The following EYS variants were observed in gnomAD, a reference collection of about 807,000 sequenced individuals.
The protein encoded by EYS is EGF-like photoreceptor maintenance factor.
In EYS, 250 loss-of-function variants were observed where a neutral mutation model predicts 282.1. The ratio of observed to expected loss-of-function variants is 0.89; its 90% CI spans 0.80 to 0.98. The LOEUF is 0.98. Ranked by LOEUF, EYS falls within the 50% of genes least tolerant of loss-of-function variation. The pLI is 0.00. For missense variants in EYS, 4,016 were observed against 3,709.0 expected, an observed-to-expected ratio of 1.08 and a Z score of -2.15; for synonymous variants, 1,355 against 1,282.9, an observed-to-expected ratio of 1.06 and a Z score of -1.20.
At chr6:63,980,461 T>C (rs1388684966) in intron 35 of EYS, among the ~76,000 whole-genome samples, 4 of 151,842 alleles carry the variant, frequency 2.6e-5, no homozygotes, top group Admixed American at 2.6e-4. Context: ...CTGTGTATTT[T>C]GAGAGAAGCA....
chr6:65,463,650 G>A (rs902725801), intron 5 of EYS, among the ~76,000 whole-genome samples: 1 of 152,246 alleles, frequency 6.6e-6, no homozygotes, highest in Non-Finnish European at 1.5e-5. Context: ...ATTGCTTGAT[G>A]TGTTTATTTA....
At chr6:64,621,503 A>T (rs1313386556) in intron 23 of EYS, among the ~76,000 whole-genome samples, 2 of 152,154 alleles carry the variant, frequency 1.3e-5, no homozygotes, top group Admixed American at 6.5e-5. Flanking sequence ...ACCCTCATGA[A>T]AATACAATAG....
chr6:65,008,971 C>T lies in EYS; in HGVS notation c.2138-11268G>A, dbSNP rs549920098. On this transcript the variant is annotated intron_variant, in intron 13 of 42. Transcript: ENST00000503581. ...CTAAGCTGTGATGGGGCGCTTTACT[C>T]TTTTCACATGCTTTTCTAATTATGC... Among the ~76,000 whole-genome samples, 85 of 152,302 alleles carry T rather than the reference C, an allele frequency of 5.6e-4. 1 individual carries two copies. The highest frequency in any genetic ancestry group is 2.0e-3 in the African/African-American group (85 of 41,562).
intron 2 of EYS, among the ~76,000 whole-genome samples, chr6:65,616,734 C>T (rs1451227662): frequency 6.6e-6 from 1 of 150,658 alleles, no homozygotes; most frequent in Non-Finnish European, 1.5e-5. Flanking sequence ...TGCAGTGAGC[C>T]GAGATAACGC....
chr6:65,463,953 T>A (rs1321979063), intron 5 of EYS, among the ~76,000 whole-genome samples: 2 of 152,292 alleles, frequency 1.3e-5, no homozygotes, highest in African/African-American at 4.8e-5. Flanking sequence ...TATATTGTGA[T>A]ACTATATACT....
At chr6:64,595,540 A>T (rs746553184) in intron 24 of EYS, among the ~76,000 whole-genome samples, 4 of 152,184 alleles carry the variant, frequency 2.6e-5, no homozygotes, top group Non-Finnish European at 2.9e-5. Flanking sequence ...AGAAAAACCT[A>T]AAGACTCCAC....
chr6:64,525,979 T>G (rs1484508109), intron 26 of EYS, among the ~76,000 whole-genome samples: 1 of 151,718 alleles, frequency 6.6e-6, no homozygotes, highest in Non-Finnish European at 1.5e-5. Flanking sequence ...ACCTCTAATA[T>G]CATCTGTAGA....
intron 30 of EYS, among the ~76,000 whole-genome samples, chr6:64,277,577 A>G (rs1768157832): frequency 6.6e-6 from 1 of 152,152 alleles, no homozygotes; most frequent in Non-Finnish European, 1.5e-5. Flanking sequence ...GGCAGATAAG[A>G]TAATGTCCAT....
chr6:63,922,301 G>T (rs1220212659), intron 35 of EYS, among the ~76,000 whole-genome samples: 1 of 152,154 alleles, frequency 6.6e-6, no homozygotes, highest in African/African-American at 2.4e-5. Flanking sequence ...AGTGGCTCAC[G>T]CCTGTAATCC....
At chr6:63,840,827 G>C (rs573773122) in intron 36 of EYS, among the ~76,000 whole-genome samples, 1 of 152,146 alleles carries the variant, frequency 6.6e-6, no homozygotes, top group Non-Finnish European at 1.5e-5. Context: ...TTGCATCTTT[G>C]TCAAAAATCT....
chr6:65,532,663 C>T (rs1232983651), intron 2 of EYS, among the ~76,000 whole-genome samples: 1 of 152,110 alleles, frequency 6.6e-6, no homozygotes, highest in Non-Finnish European at 1.5e-5. Flanking sequence ...TATTTTCTCA[C>T]TTTTGCTGTC....
intron 1 of EYS, among the ~76,000 whole-genome samples, chr6:65,676,752 GA>G: frequency 6.6e-6 from 1 of 151,606 alleles, no homozygotes; most frequent in East Asian, 2.0e-4. Context: ...AAAAACACTA[GA>G]AAAAAATTGC....
intron 12 of EYS, among the ~76,000 whole-genome samples, chr6:65,063,067 G>C (rs926391770): frequency 1.6e-4 from 25 of 151,850 alleles, no homozygotes; most frequent in African/African-American, 5.8e-4. Flanking sequence ...ATTCTTGGAA[G>C]TCAGAGTCCA....
At chr6:65,047,031 A>C (rs1773123435) in intron 13 of EYS, among the ~76,000 whole-genome samples, 1 of 150,964 alleles carries the variant, frequency 6.6e-6, no homozygotes, top group Non-Finnish European at 1.5e-5. Context: ...TGTGATTCTA[A>C]GTTTTCTGAG....
intron 33 of EYS, among the ~76,000 whole-genome samples, chr6:64,010,167 C>T (rs1049610301): frequency 1.3e-5 from 2 of 152,276 alleles, no homozygotes; most frequent in East Asian, 1.9e-4. Context: ...CAGAACGCTC[C>T]GGTGAAGGGG....
intron 26 of EYS, among the ~76,000 whole-genome samples, chr6:64,485,811 G>A (rs74637718): frequency 4.7e-4 from 71 of 151,476 alleles, no homozygotes; most frequent in African/African-American, 1.7e-3. Flanking sequence ...AGGCAAATAT[G>A]TATTAATTAT....
chr6:65,267,905 T>C (rs918213687), intron 12 of EYS, among the ~76,000 whole-genome samples: 1 of 151,842 alleles, frequency 6.6e-6, no homozygotes, highest in Admixed American at 6.6e-5. Flanking sequence ...AAATTGGCCA[T>C]ATTGAAATTA....
intron 30 of EYS, among the ~76,000 whole-genome samples, chr6:64,287,605 C>T (rs184377749): frequency 2.6e-3 from 391 of 152,078 alleles, no homozygotes; most frequent in Non-Finnish European, 4.4e-3. Flanking sequence ...CATGGAAGAA[C>T]GGGTTCTTCT....
chr6:64,885,877 T>TTA (rs1362468314), intron 19 of EYS, among the ~76,000 whole-genome samples: 1 of 151,794 alleles, frequency 6.6e-6, no homozygotes, highest in Non-Finnish European at 1.5e-5. Context: ...GTGTCTAGTA[T>TTA]TATTTTATCC....
Sources: gnomAD v4.1 joint callset for allele counts (sites outside exome capture counted in the v4.1 genomes callset) on GRCh38, gnomAD v4.1.1 for gene constraint, MANE v1.5 for transcripts, NCBI Gene and HGNC (gene_info 2026-07-23, HGNC 2026-07-21) for gene names.